The following AGBL1 variants were observed in gnomAD, a reference collection of about 807,000 sequenced individuals.
AGBL1 encodes cytosolic carboxypeptidase 4.
In AGBL1, 130 loss-of-function variants were observed where a neutral mutation model predicts 118.9. The observed-to-expected ratio is 1.09, with a 90% CI of 0.95 to 1.26. The LOEUF is 1.26. Ranked by LOEUF, AGBL1 falls within the 50% of genes most tolerant of loss-of-function variation. AGBL1 has a pLI of 0.00. For missense variants in AGBL1, 1,584 were observed against 1,298.1 expected (o/e 1.22, Z -3.38); for synonymous variants, 555 against 478.9 (o/e 1.16, Z -2.08).
At chr15:86,409,908 G>A (rs1490569065) in intron 18 of AGBL1, among the ~76,000 whole-genome samples, 2 of 152,004 alleles carry the variant, frequency 1.3e-5, no homozygotes, top group African/African-American at 2.4e-5. Context: ...ATCCGTGCAG[G>A]GATGCAGGGA....
At chr15:86,378,954 C>G (rs750631380) in intron 17 of AGBL1, among the ~76,000 whole-genome samples, 54 of 151,602 alleles carry the variant, frequency 3.6e-4, no homozygotes, top group Non-Finnish European at 6.3e-4. Context: ...CTCTTGTCAC[C>G]CAGGCTGGAG....
At chr15:86,220,619 C>A (rs1463120083) in intron 5 of AGBL1, among the ~76,000 whole-genome samples, 4 of 152,162 alleles carry the variant, frequency 2.6e-5, no homozygotes, top group African/African-American at 9.7e-5. Context: ...TGGACGTGAA[C>A]TGTGACCTCT....
chr15:86,516,022 A>G (rs1009325558), intron 18 of AGBL1, among the ~76,000 whole-genome samples: 7 of 152,204 alleles, frequency 4.6e-5, no homozygotes, highest in African/African-American at 1.7e-4. Context: ...CTTCCAGGTC[A>G]TAGGTAGATA....
chr15:86,122,496 C>T (rs1898148569), intron 1 of AGBL1, among the ~76,000 whole-genome samples: 1 of 152,116 alleles, frequency 6.6e-6, no homozygotes, highest in South Asian at 2.1e-4. Context: ...ACATGGCATG[C>T]ATCACTTAAG....
At chr15:86,666,398 G>A (rs190068163) in intron 21 of AGBL1, among the ~76,000 whole-genome samples, 82 of 152,154 alleles carry the variant, frequency 5.4e-4, no homozygotes, top group African/African-American at 1.9e-3. Context: ...TTACTCAATT[G>A]TTGCCCTATC....
chr15:86,627,934 A>G (rs972426119), intron 21 of AGBL1, among the ~76,000 whole-genome samples: 2 of 152,190 alleles, frequency 1.3e-5, no homozygotes, highest in African/African-American at 4.8e-5. Context: ...CTGCCCATCA[A>G]AGGCGCTCAA....
At chr15:86,320,828 A>G (rs114682901) in intron 17 of AGBL1, among the ~76,000 whole-genome samples, 2,092 of 152,220 alleles carry the variant, frequency 0.014, 56 homozygotes, top group African/African-American at 0.045. Context: ...GAATTTTATT[A>G]CATGCTTCTT....
chr15:86,574,293 A>G (rs2084051452), intron 21 of AGBL1, among the ~76,000 whole-genome samples: 1 of 152,224 alleles, frequency 6.6e-6, no homozygotes, highest in South Asian at 2.1e-4. Context: ...AGGTTGCACC[A>G]TCTGGTCCCT....
At chr15:86,726,346 A>G (rs2086818311) in intron 22 of AGBL1, among the ~76,000 whole-genome samples, 1 of 152,176 alleles carries the variant, frequency 6.6e-6, no homozygotes, top group Non-Finnish European at 1.5e-5. Flanking sequence ...AATATGGGAT[A>G]GTGGGAGGAG....
At chr15:86,341,271 C>T (rs1328686307) in intron 17 of AGBL1, among the ~76,000 whole-genome samples, 1 of 152,150 alleles carries the variant, frequency 6.6e-6, no homozygotes, top group East Asian at 1.9e-4. Flanking sequence ...GCTAGGCTGC[C>T]CTTTTCCTGA....
intron 18 of AGBL1, among the ~76,000 whole-genome samples, chr15:86,428,903 AG>A (rs1429417445): frequency 1.3e-5 from 2 of 152,188 alleles, no homozygotes; most frequent in African/African-American, 2.4e-5. Flanking sequence ...AATAATGGAA[AG>A]GTTTATGTCC....
At chr15:86,829,871 C>T (rs1414682665) in intron 22 of AGBL1, among the ~76,000 whole-genome samples, 1 of 152,056 alleles carries the variant, frequency 6.6e-6, no homozygotes, top group East Asian at 1.9e-4. Flanking sequence ...TTGTTCAGTT[C>T]ATTGCAGAAT....
At chr15:87,005,719 T>G (rs1013168116) in intron 24 of AGBL1, among the ~76,000 whole-genome samples, 3 of 152,186 alleles carry the variant, frequency 2.0e-5, no homozygotes, top group African/African-American at 7.2e-5. Flanking sequence ...CTGTCCAGCT[T>G]TGTTTCGTTG....
chr15:86,565,968 A>C (rs2083907422), intron 21 of AGBL1, among the ~76,000 whole-genome samples: 1 of 152,212 alleles, frequency 6.6e-6, no homozygotes, highest in South Asian at 2.1e-4. Context: ...CCATTTGCTA[A>C]GACATTGGAA....
intron 18 of AGBL1, among the ~76,000 whole-genome samples, chr15:86,519,758 T>C (rs2083163779): frequency 1.3e-5 from 2 of 152,192 alleles, no homozygotes. Context: ...GAATGATTCA[T>C]TGCCTCTACC....
intron 7 of AGBL1, among the ~76,000 whole-genome samples, chr15:86,253,600 A>T (rs2078851159): frequency 1.3e-5 from 2 of 152,130 alleles, no homozygotes; most frequent in Admixed American, 1.3e-4. Context: ...AATTAAAGGG[A>T]TAGGGAGGGC....
intron 21 of AGBL1, among the ~76,000 whole-genome samples, chr15:86,586,918 C>T (rs899708512): frequency 6.6e-6 from 1 of 151,946 alleles, no homozygotes; most frequent in Non-Finnish European, 1.5e-5. Context: ...AAGTAGGCCA[C>T]AATATACTGG....
intron 23 of AGBL1, among the ~76,000 whole-genome samples, chr15:86,930,523 A>G (rs566379154): frequency 3.9e-5 from 6 of 152,156 alleles, no homozygotes; most frequent in Non-Finnish European, 8.8e-5. Flanking sequence ...AGAGGTCATC[A>G]TTTCAATTTG....
intron 1 of AGBL1, 126 bp downstream of exon 1, chr15:86,080,149 C>T (rs991569693): frequency 1.3e-5 from 8 of 638,326 alleles, no homozygotes; most frequent in Non-Finnish European, 1.8e-5. Flanking sequence ...AGCAAGAGAA[C>T]AGGAGTCGGC....
Sources: allele counts gnomAD v4.1 joint callset (sites outside exome capture counted in the v4.1 genomes callset), GRCh38; gene constraint gnomAD v4.1.1; transcripts MANE v1.5; gene names NCBI Gene and HGNC (gene_info 2026-07-23, HGNC 2026-07-21).